The following PLXNA4 variants were observed in gnomAD, a reference collection of about 807,000 sequenced individuals.
PLXNA4 encodes the protein plexin A4, also known as plexin-A4.
Under a neutral mutation model 191.8 loss-of-function variants are expected in PLXNA4, and 44 were observed. That is an observed-to-expected ratio of 0.23 (90% CI 0.18 to 0.29). PLXNA4 has a LOEUF of 0.29. Ranked by LOEUF, PLXNA4 falls within the 10% of genes least tolerant of loss-of-function variation. PLXNA4 has a pLI of 1.00. For synonymous variants in PLXNA4, 1,082 were observed against 1,009.5 expected (o/e 1.07, Z -1.36); for missense variants, 1,800 against 2,488.8 (o/e 0.72, Z 5.89).
Position 132,178,845 on chromosome 7 carries a change from T to TACACAC in PLXNA4, c.3874+836_3874+841dup, listed in dbSNP as rs56027205. Among the ~76,000 whole-genome samples, 10 of 83,540 alleles carry TACACAC rather than the reference T, an allele frequency of 1.2e-4. 1 individual carries two copies. The highest frequency in any genetic ancestry group is 8.9e-3 in the Middle Eastern group (1 of 112). The allele number at this position is 83,540 out of a possible 152,430, so 54.8% of individuals were successfully genotyped here. Reference sequence around the variant, plus strand: ...TGAAACACATACACATACACATATATACACACACACACACACACACACACA... The same window carrying TACACAC: ...TGAAACACATACACATACACATATATACACACACACACACACACACACACACACACA... On this transcript the variant is annotated intron_variant, in intron 20 of 31. Coordinates refer to ENST00000321063, the MANE Select transcript of PLXNA4 (RefSeq NM_020911.2).
intron 25 of PLXNA4, among the ~76,000 whole-genome samples, chr7:132,150,859 C>T: frequency 6.6e-6 from 1 of 152,246 alleles, no homozygotes; most frequent in East Asian, 1.9e-4. Flanking sequence ...CACAATTCCC[C>T]TTAGAGCTGT....
intron 3 of PLXNA4, among the ~76,000 whole-genome samples, chr7:132,447,079 T>C (rs1795938698): frequency 6.6e-6 from 1 of 152,180 alleles, no homozygotes; most frequent in African/African-American, 2.4e-5. Flanking sequence ...CCTCCTGACA[T>C]CTGAAATTCA....
At chr7:132,446,297 T>C (rs1418462657) in intron 3 of PLXNA4, among the ~76,000 whole-genome samples, 3 of 152,192 alleles carry the variant, frequency 2.0e-5, no homozygotes, top group South Asian at 2.1e-4. Context: ...ATTATACTTC[T>C]TTTTGTCACC....
chr7:132,237,958 T>C lies in PLXNA4; in HGVS notation c.1604+3108A>G, dbSNP rs1798757861. 1.3e-5 allele frequency among the ~76,000 whole-genome samples: 2 copies of C among 152,208 alleles called. 1 individual carries two copies. Among genetic ancestry groups the C allele is most frequent in the South Asian group, 4.1e-4 (2 of 4,832 alleles). ...GATAAGGCAGCCTCAGCTTCTTGTT[T>C]TAGCTCTCGCTCTATGAACAAGTGT... On this transcript the variant is annotated intron_variant, in intron 5 of 31. Coordinates refer to ENST00000321063, the MANE Select transcript of PLXNA4 (RefSeq NM_020911.2).
At chr7:132,423,107 C>T (rs1585114898) in intron 3 of PLXNA4, among the ~76,000 whole-genome samples, 1 of 152,218 alleles carries the variant, frequency 6.6e-6, no homozygotes, top group African/African-American at 2.4e-5. Context: ...TTCATCCTCT[C>T]CAGCCTCCTC....
chr7:132,289,670 C>G (rs972014841), intron 4 of PLXNA4, among the ~76,000 whole-genome samples: 1 of 151,940 alleles, frequency 6.6e-6, no homozygotes, highest in African/African-American at 2.4e-5. Context: ...GTAGCTGGGA[C>G]TACAGGTGCA....
chr7:132,260,625 T>A (rs1799605081), intron 4 of PLXNA4, among the ~76,000 whole-genome samples: 1 of 151,884 alleles, frequency 6.6e-6, no homozygotes. Context: ...ACACGCGATT[T>A]ACCCATGCAA....
intron 20 of PLXNA4, among the ~76,000 whole-genome samples, chr7:132,177,101 GTGTA>G (rs765781577): frequency 1.2e-4 from 18 of 151,834 alleles, no homozygotes; most frequent in Admixed American, 2.6e-4. Context: ...ATGTCAGTGA[GTGTA>G]TGTATGTGAA....
At chr7:132,256,035 T>C (rs1799420038) in intron 4 of PLXNA4, among the ~76,000 whole-genome samples, 1 of 152,158 alleles carries the variant, frequency 6.6e-6, no homozygotes, top group African/African-American at 2.4e-5. Context: ...GGATAGGAAA[T>C]CATGCTGGCT....
chr7:132,282,668 G>GTAGTTCTAATAGT, intron 4 of PLXNA4, among the ~76,000 whole-genome samples: 2 of 104,438 alleles, frequency 1.9e-5, no homozygotes, highest in Admixed American at 2.3e-4. Context: ...AAAAGAAGCA[G>GTAGTTCTAATAGT]TAGTTCTAAT....
chr7:132,326,147 G>C (rs888722456), intron 3 of PLXNA4, among the ~76,000 whole-genome samples: 1 of 152,118 alleles, frequency 6.6e-6, no homozygotes, highest in African/African-American at 2.4e-5. Flanking sequence ...AGAACAAAAA[G>C]GTGGAGGAAG....
rs1234027308 is a variant in PLXNA4 at position 132,181,323 on chromosome 7, C to A, written c.3492+58G>T. ...GCAGGAGTCTGTGACTTGAACACCC[C>A]CTTCCATGCAGCAGCCCCTTCTTTT... On this transcript the variant is annotated intron_variant, in intron 18 of 31. Transcript: ENST00000321063. The A allele has an allele frequency of 1.9e-6, 3 of 1,603,156 alleles. No individual in the cohort carries two copies. The African/African-American group carries it at 4.0e-5, about 21-fold the overall frequency.
At chr7:132,397,128 A>C (rs1456325778) in intron 3 of PLXNA4, among the ~76,000 whole-genome samples, 11 of 152,260 alleles carry the variant, frequency 7.2e-5, no homozygotes, top group Non-Finnish European at 1.5e-5. Context: ...AGCCTTCCCC[A>C]AAATTTTACA....
chr7:132,382,587 T>C (rs1197408529), intron 3 of PLXNA4, among the ~76,000 whole-genome samples: 1 of 152,192 alleles, frequency 6.6e-6, no homozygotes, highest in Non-Finnish European at 1.5e-5. Context: ...AATTGTCATG[T>C]GTAGTATTTT....
rs1563048056 is a variant in PLXNA4 at position 132,132,427 on chromosome 7, GTT to G, written c.5589+620_5589+621del. Among the ~76,000 whole-genome samples, 773 of 79,186 alleles carry G rather than the reference GTT, an allele frequency of 9.8e-3. 26 individuals carry two copies. The highest frequency in any genetic ancestry group is 0.064 in the South Asian group (109 of 1,690). The allele number at this position is 79,186 out of a possible 152,430, so 51.9% of individuals were successfully genotyped here. ...GTTCTGTTCTGTTCTGTTCTGTTCT[GTT>G]CTGTTCTGTTCTGTTCTGTTCTGTT... On this transcript the variant is annotated intron_variant, in intron 31 of 31. Transcript: ENST00000321063.
At chr7:132,529,155 A>G (rs2116422315) in intron 1 of PLXNA4, among the ~76,000 whole-genome samples, 1 of 152,298 alleles carries the variant, frequency 6.6e-6, no homozygotes, top group South Asian at 2.1e-4. Context: ...AGTCCATAAT[A>G]ACCCCACCCT....
chr7:132,182,501 C>T (rs563009810), intron 16 of PLXNA4, among the ~76,000 whole-genome samples: 2 of 152,302 alleles, frequency 1.3e-5, no homozygotes, highest in South Asian at 4.1e-4. Flanking sequence ...TTTGTGCCAG[C>T]TGCTTCTCTG....
At chr7:132,170,297 C>T (rs761584846) in intron 21 of PLXNA4, among the ~76,000 whole-genome samples, 7 of 152,250 alleles carry the variant, frequency 4.6e-5, no homozygotes, top group African/African-American at 7.2e-5. Context: ...CATGAGGGAC[C>T]CTGTGAGGAT....
chr7:132,211,001 T>C lies in PLXNA4; in HGVS notation c.2240A>G (p.Glu747Gly). 3.7e-6 allele frequency: 6 copies of C among 1,613,986 alleles called. No individual in the cohort carries two copies. The highest frequency in any genetic ancestry group is 5.1e-6 in the Non-Finnish European group (6 of 1,180,028). Residue 747 changes from glutamate (E) to glycine (G), a missense_variant, in exon 10 of 32, where the codon GAG becomes GGG. Glu to Gly is a moderately conservative substitution (Grantham distance 98, BLOSUM62 -2). Around this residue, in one of 6 missense-constraint regions of PLXNA4, gnomAD observed 1,397 missense variants for 1,880.4 expected, o/e 0.74. Transcript: ENST00000321063. The stretch of plus-strand genomic sequence containing the variant: ...GAAGCGCAGGGCGGGCACTCGCTGC[T>C]CGCTGCCCTGAATGTTGAGGATGCA... ...YECILNIQGS[E>G]QRVPALRFNS...
Sources: allele counts gnomAD v4.1 joint callset (sites outside exome capture counted in the v4.1 genomes callset), GRCh38; gene constraint gnomAD v4.1.1; regional missense constraint gnomAD v4.1.1; transcripts MANE v1.5; gene names NCBI Gene and HGNC (gene_info 2026-07-23, HGNC 2026-07-21).